Variants in INTS7 observed in about 807,000 individuals in gnomAD.
INTS7 encodes chromosome 1 open reading frame 73.
In INTS7, 46 loss-of-function variants were observed where a neutral mutation model predicts 109.2. That is an observed-to-expected ratio of 0.42 (90% CI 0.33 to 0.54). The LOEUF (loss-of-function observed/expected upper bound fraction) is 0.54, where lower values mean the gene tolerates loss of function less well. Among genes scored for constraint, INTS7 ranks in the 20% least tolerant of loss-of-function variants. The pLI is 0.07. For synonymous variants in INTS7, 412 were observed against 402.9 expected, an observed-to-expected ratio of 1.02 and a Z score of -0.27; for missense variants, 929 against 1,132.4, an observed-to-expected ratio of 0.82 and a Z score of 2.58.
At chr1:212,028,397 A>G (rs1354424196) in intron 1 of INTS7, among the ~76,000 whole-genome samples, 1 of 152,238 alleles carries the variant, frequency 6.6e-6, no homozygotes, top group African/African-American at 2.4e-5. Flanking sequence ...AAAGAAACAT[A>G]GTAGTACTGC....
intron 9 of INTS7, 132 bp from the exon 10 acceptor site, chr1:211,981,322 A>G (rs1319398676): frequency 1.9e-6 from 1 of 514,266 alleles, no homozygotes. Context: ...TAAATGGATG[A>G]ACCTAACCTT....
Position 212,021,115 on chromosome 1 carries a change from T to C in INTS7, c.192A>G (p.Ala64=). Reference sequence around the variant, plus strand: ...TGAAAACATCAGCTAACTTTAGGAATGCAGAATTGATAAGAATAGGGAATG... The same window carrying C: ...TGAAAACATCAGCTAACTTTAGGAACGCAGAATTGATAAGAATAGGGAATG... ...KYPFPILINS[A]FLKLADVFRV... is the part of the protein sequence containing the mutation. Residue 64 remains alanine (A), a synonymous_variant, in exon 2 of 20, where the codon GCA becomes GCG. Coordinates refer to ENST00000366994, the MANE Select transcript of INTS7 (RefSeq NM_015434.4). 3 of 1,611,676 alleles carry C rather than the reference T, an allele frequency of 1.9e-6. No homozygotes were observed. The highest frequency in any genetic ancestry group is 1.1e-5 in the South Asian group (1 of 90,630).
intron 4 of INTS7, among the ~76,000 whole-genome samples, chr1:212,014,692 C>T (rs1231520925): frequency 2.7e-5 from 4 of 149,872 alleles, no homozygotes; most frequent in Non-Finnish European, 3.0e-5. Flanking sequence ...ATTGCAGGTG[C>T]GCCGCCACGC....
At position 212,035,255 on chromosome 1, in the gene INTS7, C is replaced by T. The variant is rs1667382584; in HGVS notation, c.94+89G>A. The T allele has an allele frequency of 4.6e-6, 4 of 875,974 alleles. No homozygotes were observed. In the Admixed American group the frequency reaches 5.6e-5, roughly 12 times the overall value. 54.3% of individuals were successfully genotyped at this position (875,974 alleles called of 1,614,324 possible). On this transcript the variant is annotated intron_variant, in intron 1 of 19. Transcript: ENST00000366994. ...GCCCAGCGAAGACATGCGCATGCGC[C>T]TATCCGTCTTCTCCCAAAGCAACCA...
chr1:212,014,753 C>G (rs962196927), intron 4 of INTS7, among the ~76,000 whole-genome samples: 2 of 152,098 alleles, frequency 1.3e-5, no homozygotes, highest in African/African-American at 4.8e-5. Context: ...CCGTGTTGGC[C>G]GGGCTGGTCT....
chr1:211,961,374 A>C (rs1663623410), intron 16 of INTS7, among the ~76,000 whole-genome samples: 1 of 151,670 alleles, frequency 6.6e-6, no homozygotes, highest in African/African-American at 2.4e-5. Context: ...TTAACAGCAG[A>C]CCCCTTTGAG....
At position 211,941,908 on chromosome 1, in the gene INTS7, A is replaced by C. The variant is rs1259181606; in HGVS notation, c.2805T>G (p.Tyr935Ter). The C allele has an allele frequency of 6.2e-7, 1 of 1,614,076 alleles. No individual in the cohort carries two copies. The highest frequency in any genetic ancestry group is 8.5e-7 in the Non-Finnish European group (1 of 1,180,042). The change falls in exon 20 of 20, where the codon TAT (tyrosine) becomes TAG (stop). Residue 935 changes from tyrosine to a stop codon, truncating the protein, a stop_gained. Transcript: ENST00000366994. LOFTEE classifies it high-confidence loss of function. The stretch of plus-strand genomic sequence containing the variant: ...GCTGTTGTAAGCGAATTTGCTGGGA[A>C]TAAGGGTCTTCCAGGGATTTTACAA... ...TIFVKSLEDPYSQQIRLQQQQ... is the reference protein window; with the variant it reads ...TIFVKSLEDP
chr1:212,012,546 A>G (rs1666206546), intron 4 of INTS7, among the ~76,000 whole-genome samples: 1 of 152,200 alleles, frequency 6.6e-6, no homozygotes, highest in Admixed American at 6.5e-5. Context: ...ACTTGAGTCC[A>G]GAAGTTCGAG....
At chr1:212,005,089 G>A (rs1399076469) in intron 7 of INTS7, among the ~76,000 whole-genome samples, 2 of 152,144 alleles carry the variant, frequency 1.3e-5, no homozygotes, top group Non-Finnish European at 1.5e-5. Context: ...ACAGAAGAAT[G>A]TTCTGCACTG....
intron 16 of INTS7, among the ~76,000 whole-genome samples, chr1:211,956,972 T>C (rs1663391747): frequency 2.6e-5 from 4 of 152,198 alleles, no homozygotes; most frequent in Non-Finnish European, 5.9e-5. Flanking sequence ...ATATGATAAA[T>C]TTATGTTTAA....
intron 1 of INTS7, among the ~76,000 whole-genome samples, chr1:212,032,617 C>T (rs1192788133): frequency 2.0e-5 from 3 of 152,016 alleles, no homozygotes; most frequent in Non-Finnish European, 4.4e-5. Flanking sequence ...GCTGGAACTA[C>T]AGGTGCCCAC....
chr1:211,999,246 T>C (rs1052609546), intron 7 of INTS7, among the ~76,000 whole-genome samples: 15 of 152,320 alleles, frequency 9.8e-5, no homozygotes, highest in Admixed American at 7.8e-4. Context: ...AACAGACAAA[T>C]TGTTGTACGC....
chr1:212,017,135 A>G, intron 3 of INTS7, 112 bp from the exon 4 acceptor site: 2 of 704,638 alleles, frequency 2.8e-6, no homozygotes, highest in Non-Finnish European at 2.3e-6. Flanking sequence ...AGGTAATTCT[A>G]TGTAACTCCA....
intron 1 of INTS7, 104 bp downstream of exon 1, chr1:212,035,240 G>C: frequency 1.3e-6 from 1 of 784,484 alleles, no homozygotes; most frequent in Non-Finnish European, 2.2e-6. Context: ...GCCCAGCGAA[G>C]ACATGCGCAT....
intron 13 of INTS7, among the ~76,000 whole-genome samples, chr1:211,974,273 A>AT (rs1553249462): frequency 0.14 from 10,230 of 74,534 alleles, 391 homozygotes; most frequent in East Asian, 0.28. Context: ...CCCAGAAAAA[A>AT]AAAATATATA....
intron 16 of INTS7, among the ~76,000 whole-genome samples, chr1:211,957,371 C>A (rs1278501220): frequency 6.6e-6 from 1 of 152,100 alleles, no homozygotes; most frequent in East Asian, 1.9e-4. Flanking sequence ...TATGGTGAAA[C>A]CCTGACTCTA....
intron 1 of INTS7, among the ~76,000 whole-genome samples, chr1:212,032,335 G>T (rs1460905643): frequency 6.6e-6 from 1 of 152,048 alleles, no homozygotes; most frequent in Non-Finnish European, 1.5e-5. Flanking sequence ...TCTCAGCACA[G>T]TAGCCAGACT....
chr1:211,942,161 T>A lies in INTS7; in HGVS notation c.2602-50A>T. The A allele has an allele frequency of 6.3e-7, 1 of 1,579,334 alleles. No homozygotes were observed. Among genetic ancestry groups the A allele is most frequent in the Non-Finnish European group, 8.6e-7 (1 of 1,157,786 alleles). On this transcript the variant is annotated intron_variant, in intron 19 of 19. Transcript: ENST00000366994. The surrounding 1 kb of genome is among the most constrained non-coding windows in gnomAD (Gnocchi z 4.2). ...ACAACAATGGCTAACATTTCTTCAG[T>A]GCTTACTATGAGTTAGGCCCTGTTC...
At chr1:211,983,244 T>A (rs1220763055) in intron 8 of INTS7, among the ~76,000 whole-genome samples, 2 of 152,098 alleles carry the variant, frequency 1.3e-5, no homozygotes, top group African/African-American at 4.8e-5. Context: ...GACACACATT[T>A]ATACCTCATA....
Sources: gnomAD v4.1 joint callset for allele counts (sites outside exome capture counted in the v4.1 genomes callset) on GRCh38, gnomAD v4.1.1 for gene constraint, Gnocchi (gnomAD v3.1) non-coding constraint, MANE v1.5 for transcripts, NCBI Gene and HGNC (gene_info 2026-07-23, HGNC 2026-07-21) for gene names.